Variants in PTPRN2 observed in about 807,000 individuals in gnomAD.
PTPRN2 encodes protein tyrosine phosphatase receptor type N2.
A neutral mutation model predicts 118.8 loss-of-function variants in PTPRN2; 74 were observed. The ratio of observed to expected loss-of-function variants is 0.62; its 90% CI spans 0.52 to 0.76. The LOEUF is 0.76. Ranked by LOEUF, PTPRN2 falls within the 30% of genes least tolerant of loss-of-function variation. PTPRN2 has a pLI of 0.00. For synonymous variants in PTPRN2, 641 were observed against 608.0 expected, an observed-to-expected ratio of 1.05 and a Z score of -0.80; for missense variants, 1,481 against 1,394.4, an observed-to-expected ratio of 1.06 and a Z score of -0.99.
At position 157,729,746 on chromosome 7, in the gene PTPRN2, C is replaced by G. The variant is rs1013754849; in HGVS notation, c.1789-46809G>C. Among the ~76,000 whole-genome samples, 3 of 152,198 alleles carry G rather than the reference C, an allele frequency of 2.0e-5. No individual in the cohort carries two copies. Among genetic ancestry groups the G allele is most frequent in the African/African-American group, 7.2e-5 (3 of 41,448 alleles). ...ACCCAGGAAGAGGGCTGAGGTCTCA[C>G]GCCTGGCAGAGATGGTGCCCAGGTA... On this transcript the variant is annotated intron_variant, in intron 12 of 22. Transcript: ENST00000389418. The surrounding 1 kb of genome is among the most constrained non-coding windows in gnomAD (Gnocchi z 4.3).
chr7:158,169,273 C>CCCT (rs1287955273), intron 5 of PTPRN2, among the ~76,000 whole-genome samples: 1 of 152,052 alleles, frequency 6.6e-6, no homozygotes, highest in Non-Finnish European at 1.5e-5. Context: ...GACAGAGTCT[C>CCCT]CCTCTTTCAT....
Position 158,137,580 on chromosome 7 carries a change from T to C in PTPRN2, c.1132+714A>G, listed in dbSNP as rs1585572557. On this transcript the variant is annotated intron_variant, in intron 7 of 22. Coordinates refer to ENST00000389418, the MANE Select transcript of PTPRN2 (RefSeq NM_002847.5). ...TGCGGGTCCCGATTCCTTCAACCAC[T>C]GGGCGACCACCTAACACAGGCCCTC... Among the ~76,000 whole-genome samples, 4 of 152,058 alleles carry C rather than the reference T, an allele frequency of 2.6e-5. No individual in the cohort carries two copies. The South Asian group carries it at 8.3e-4, about 31-fold the overall frequency.
intron 3 of PTPRN2, among the ~76,000 whole-genome samples, chr7:158,293,254 T>C (rs1177522862): frequency 4.6e-5 from 7 of 151,980 alleles, no homozygotes; most frequent in Admixed American, 3.3e-4. Context: ...TATAAAAATG[T>C]TTTTTCTTCA....
chr7:157,613,845 C>A (rs1191524632), intron 15 of PTPRN2, among the ~76,000 whole-genome samples: 3 of 152,172 alleles, frequency 2.0e-5, no homozygotes, highest in Non-Finnish European at 2.9e-5. Context: ...GTCCTGCGGC[C>A]CCCCCACAGT....
rs914681045 is a variant in PTPRN2 at position 157,990,467 on chromosome 7, C to T, written c.1723+90831G>A. ...TTCCTTCAGGGCACCCCCACCCACC[C>T]TCTCCCCAAGGCTTGGGCCACACTC... On this transcript the variant is annotated intron_variant, in intron 11 of 22. Coordinates refer to ENST00000389418, the MANE Select transcript of PTPRN2 (RefSeq NM_002847.5). The surrounding 1 kb of genome is among the most constrained non-coding windows in gnomAD (Gnocchi z 4.3). 6.6e-6 allele frequency among the ~76,000 whole-genome samples: 1 copy of T among 152,182 alleles called. No homozygotes were observed. Among genetic ancestry groups the T allele is most frequent in the Non-Finnish European group, 1.5e-5 (1 of 68,026 alleles).
At chr7:157,594,630 G>C (rs1259909074) in intron 17 of PTPRN2, among the ~76,000 whole-genome samples, 1 of 152,250 alleles carries the variant, frequency 6.6e-6, no homozygotes, top group Non-Finnish European at 1.5e-5. Flanking sequence ...TCACGGCCAC[G>C]TTCCAGGTTC....
At chr7:157,924,243 A>G (rs1372940141) in intron 11 of PTPRN2, among the ~76,000 whole-genome samples, 1 of 152,204 alleles carries the variant, frequency 6.6e-6, no homozygotes, top group Non-Finnish European at 1.5e-5. Context: ...GGCTGGCTCC[A>G]TTGAAGCCAC....
Position 157,929,149 on chromosome 7 carries a change from A to C in PTPRN2, c.1724-30412T>G, listed in dbSNP as rs1321746917. Among the ~76,000 whole-genome samples, 2 of 152,170 alleles carry C rather than the reference A, an allele frequency of 1.3e-5. No individual in the cohort carries two copies. Among genetic ancestry groups the C allele is most frequent in the Non-Finnish European group, 2.9e-5 (2 of 68,034 alleles). ...CCTTCCACCCTTGTGTTTCCCTGGC[A>C]TATGTGTCAGCCAGCTGGTCAACAC... On this transcript the variant is annotated intron_variant, in intron 11 of 22. Transcript: ENST00000389418. This position sits in a 1 kb window ranked among gnomAD's most constrained non-coding sequence, Gnocchi z 4.4.
intron 2 of PTPRN2, among the ~76,000 whole-genome samples, chr7:158,455,084 C>G (rs1332987061): frequency 3.3e-5 from 5 of 152,226 alleles, no homozygotes; most frequent in Non-Finnish European, 5.9e-5. Flanking sequence ...ACTTCCCACC[C>G]TAAAAACAAA....
Position 157,598,415 on chromosome 7 carries a change from G to C in PTPRN2, c.2419-3100C>G, listed in dbSNP as rs1399223619. Among the ~76,000 whole-genome samples, 1 of 152,038 alleles carries C rather than the reference G, an allele frequency of 6.6e-6. No homozygotes were observed. The highest frequency in any genetic ancestry group is 6.5e-5 in the Admixed American group (1 of 15,280). ...ATGGTGGGTGAGCTCAGGGAGTGAG[G>C]AGCTTGGACGTCGGCGTCTCCGGGC... On this transcript the variant is annotated intron_variant, in intron 16 of 22. Coordinates refer to ENST00000389418, the MANE Select transcript of PTPRN2 (RefSeq NM_002847.5). The surrounding 1 kb of genome is among the most constrained non-coding windows in gnomAD (Gnocchi z 5.2).
At chr7:157,576,455 C>T (rs1436200361) in intron 19 of PTPRN2, among the ~76,000 whole-genome samples, 158 bp downstream of exon 19, 1 of 152,232 alleles carries the variant, frequency 6.6e-6, no homozygotes, top group African/African-American at 2.4e-5. Context: ...GTGCCGTTAA[C>T]GGAGTCTTCC....
chr7:157,892,503 T>C (rs1448512728), intron 12 of PTPRN2, among the ~76,000 whole-genome samples: 1 of 152,226 alleles, frequency 6.6e-6, no homozygotes, highest in Non-Finnish European at 1.5e-5. Context: ...ATATTTCCAT[T>C]TGGCTTAAAA....
rs1804156658 is a variant in PTPRN2 at position 157,787,698 on chromosome 7, G to A, written c.1789-104761C>T. On this transcript the variant is annotated intron_variant, in intron 12 of 22. Transcript: ENST00000389418. This position sits in a 1 kb window ranked among gnomAD's most constrained non-coding sequence, Gnocchi z 5.3. ...CCTGCTCTGTGGGAGACGGGGTGGT[G>A]TTTGAGCTGGTGCCATCTGGGTCCC... 6.6e-6 allele frequency among the ~76,000 whole-genome samples: 1 copy of A among 152,196 alleles called. No individual in the cohort carries two copies. Among genetic ancestry groups the A allele is most frequent in the Non-Finnish European group, 1.5e-5 (1 of 68,026 alleles).
intron 5 of PTPRN2, among the ~76,000 whole-genome samples, chr7:158,180,551 T>C (rs576237561): frequency 6.6e-6 from 1 of 152,352 alleles, no homozygotes; most frequent in East Asian, 1.9e-4. Context: ...GGCATTTTCA[T>C]GAAATTCTTC....
intron 12 of PTPRN2, among the ~76,000 whole-genome samples, chr7:157,752,005 A>C (rs1209382044): frequency 6.6e-6 from 1 of 152,000 alleles, no homozygotes; most frequent in Non-Finnish European, 1.5e-5. Context: ...TCCCATTCCG[A>C]TTTCTTGACC....
chr7:157,757,856 C>G lies in PTPRN2; in HGVS notation c.1789-74919G>C, dbSNP rs557003582. On this transcript the variant is annotated intron_variant, in intron 12 of 22. Transcript: ENST00000389418. ...AGCTGCTGAACTTAACCTGGGGCCCCGCGAATGAACCAGGCTCCGCCCCTG... is the reference window on the plus strand; with the variant it reads ...AGCTGCTGAACTTAACCTGGGGCCCGGCGAATGAACCAGGCTCCGCCCCTG... Among the ~76,000 whole-genome samples, 212 of 152,336 alleles carry G rather than the reference C, an allele frequency of 1.4e-3. 2 individuals are homozygous for G. Among genetic ancestry groups the G allele is most frequent in the Admixed American group, 1.4e-3 (21 of 15,308 alleles).
At chr7:158,321,496 C>G (rs1040558521) in intron 2 of PTPRN2, among the ~76,000 whole-genome samples, 2 of 152,244 alleles carry the variant, frequency 1.3e-5, no homozygotes, top group Admixed American at 1.3e-4. Context: ...CTCTGCAGCC[C>G]TGCGGGCCAT....
intron 11 of PTPRN2, among the ~76,000 whole-genome samples, chr7:157,998,947 G>A (rs548066001): frequency 1.3e-5 from 2 of 152,116 alleles, no homozygotes; most frequent in East Asian, 3.9e-4. Flanking sequence ...ATCTTTGTGC[G>A]GGGTGCGAGG....
intron 5 of PTPRN2, among the ~76,000 whole-genome samples, chr7:158,167,625 C>T (rs1251171920): frequency 6.6e-6 from 1 of 152,232 alleles, no homozygotes; most frequent in African/African-American, 2.4e-5. Context: ...AAGTCCAGAA[C>T]ATCCGCATCA....
Sources: allele counts gnomAD v4.1 joint callset (sites outside exome capture counted in the v4.1 genomes callset), GRCh38; gene constraint gnomAD v4.1.1; non-coding constraint Gnocchi (gnomAD v3.1); transcripts MANE v1.5; gene names NCBI Gene and HGNC (gene_info 2026-07-23, HGNC 2026-07-21).